OR11A1: variants seen among roughly 807,000 people sequenced by gnomAD.
OR11A1 encodes the protein olfactory receptor family 11 subfamily A member 1, also known as olfactory receptor 11A1.
For synonymous variants in OR11A1, 158 were observed against 152.2 expected, an observed-to-expected ratio of 1.04 and a Z score of -0.28; for missense variants, 380 against 378.2, an observed-to-expected ratio of 1.00 and a Z score of -0.04.
At chr6:29,454,252 T>C (rs771930885) in intron 1 of OR11A1, among the ~76,000 whole-genome samples, 28 of 152,104 alleles carry the variant, frequency 1.8e-4, no homozygotes, top group Non-Finnish European at 3.7e-4. Flanking sequence ...AATAGTTAAA[T>C]TAAAACCATT....
chr6:29,447,820 T>C (rs1784926134), intron 1 of OR11A1, among the ~76,000 whole-genome samples: 1 of 152,198 alleles, frequency 6.6e-6, no homozygotes, highest in Non-Finnish European at 1.5e-5. Context: ...TGGCTGGGCC[T>C]CCTTAGGAAC....
intron 3 of OR11A1, 92 bp downstream of exon 3, chr6:29,430,209 G>C: frequency 1.2e-6 from 1 of 827,850 alleles, no homozygotes; most frequent in Non-Finnish European, 1.5e-6. Flanking sequence ...CATATGAATT[G>C]ATCAGAGAAG....
intron 1 of OR11A1, among the ~76,000 whole-genome samples, chr6:29,454,815 C>A (rs2151409849): frequency 6.6e-6 from 1 of 152,210 alleles, no homozygotes; most frequent in Admixed American, 6.5e-5. Flanking sequence ...AAACGATATT[C>A]TTTGCAACAA....
chr6:29,434,553 A>G (rs1464860485), intron 1 of OR11A1, among the ~76,000 whole-genome samples: 1 of 152,258 alleles, frequency 6.6e-6, no homozygotes, highest in Non-Finnish European at 1.5e-5. Context: ...TCACTTGATC[A>G]TGGTGAAAGA....
At chr6:29,445,589 C>T (rs1176040501) in intron 1 of OR11A1, among the ~76,000 whole-genome samples, 1 of 152,230 alleles carries the variant, frequency 6.6e-6, no homozygotes, top group Non-Finnish European at 1.5e-5. Context: ...CTCACTGCTT[C>T]CCTGCATCAG....
At chr6:29,428,754 CT>C (rs1244449546) in intron 4 of OR11A1, among the ~76,000 whole-genome samples, 158 bp downstream of exon 4, 1 of 67,070 alleles carries the variant, frequency 1.5e-5, no homozygotes, top group Non-Finnish European at 2.5e-5. Flanking sequence ...GAAACTCCAT[CT>C]CAAAAAAAAA....
chr6:29,444,581 G>A (rs1784539117), intron 1 of OR11A1, among the ~76,000 whole-genome samples: 1 of 152,156 alleles, frequency 6.6e-6, no homozygotes, highest in South Asian at 2.1e-4. Context: ...AGGACTATAT[G>A]CTTCTTATAG....
Position 29,440,659 on chromosome 6 carries a change from G to T in OR11A1, c.-388-8672C>A, listed in dbSNP as rs763872326. 21 of 1,614,120 alleles carry T rather than the reference G, an allele frequency of 1.3e-5. No individual in the cohort carries two copies. Among genetic ancestry groups the T allele is most frequent in the Non-Finnish European group, 1.7e-5 (20 of 1,180,026 alleles). ...CTCTGCCCCTTTGGCCTCATCCTGG[G>T]CTCCTACGGGCGTATCCTCGTTACC... On this transcript the variant is annotated intron_variant, in intron 1 of 4. Transcript: ENST00000377149.
intron 1 of OR11A1, among the ~76,000 whole-genome samples, chr6:29,445,718 G>A (rs1784693112): frequency 6.6e-6 from 1 of 152,184 alleles, no homozygotes; most frequent in Non-Finnish European, 1.5e-5. Flanking sequence ...TCTTACACAG[G>A]GGCCAGGAAA....
chr6:29,441,768 G>A (rs779181719), intron 1 of OR11A1, among the ~76,000 whole-genome samples: 18 of 152,056 alleles, frequency 1.2e-4, no homozygotes, highest in African/African-American at 3.9e-4. Flanking sequence ...CCTGGTATCT[G>A]TTGTTCCTTT....
chr6:29,428,156 C>T, intron 4 of OR11A1: 2 of 776,364 alleles, frequency 2.6e-6, no homozygotes, highest in Non-Finnish European at 3.1e-6. Flanking sequence ...CTATCTCATT[C>T]TTCTCATTAT....
intron 1 of OR11A1, chr6:29,440,426 C>A (rs763072767): frequency 6.2e-7 from 1 of 1,614,070 alleles, no homozygotes; most frequent in Non-Finnish European, 8.5e-7. Context: ...TGCTGAGCCA[C>A]CGGGTGTGTC....
chr6:29,440,372 T>A (rs1311437010), intron 1 of OR11A1: 1 of 1,614,040 alleles, frequency 6.2e-7, no homozygotes, highest in Non-Finnish European at 8.5e-7. Context: ...CCATGGCCTA[T>A]GACCGCTATG....
chr6:29,426,945 C>G lies in OR11A1; in HGVS notation c.697G>C (p.Ala233Pro). 6.2e-7 allele frequency: 1 copy of G among 1,613,010 alleles called. No individual in the cohort carries two copies. Reference sequence around the variant, plus strand: ...GTGGAGAAAGCCCTTCTCCTGCTTGCCCCAGCAGGAACTCTCAGCACTGCC... The same window carrying G: ...GTGGAGAAAGCCCTTCTCCTGCTTGGCCCAGCAGGAACTCTCAGCACTGCC... The part of the protein sequence containing the change: ...VVAVLRVPAG[A>P]SRRRAFSTCS... The change falls in exon 5 of 5, where the codon GCA becomes CCA. Residue 233 changes from alanine (A) to proline (P), a missense_variant. Physicochemically the swap from Ala to Pro is conservative, Grantham distance 27. Transcript: ENST00000377149.
At chr6:29,437,056 G>T (rs1488287267) in intron 1 of OR11A1, among the ~76,000 whole-genome samples, 1 of 152,224 alleles carries the variant, frequency 6.6e-6, no homozygotes, top group African/African-American at 2.4e-5. Context: ...TGGAGAGGAT[G>T]TGGAGAAATA....
At chr6:29,439,880 G>A in intron 1 of OR11A1, 1 of 679,674 alleles carries the variant, frequency 1.5e-6, no homozygotes, top group Non-Finnish European at 2.5e-6. Flanking sequence ...CAAAGTCCAT[G>A]ATATTCTAAT....
At chr6:29,427,912 T>G (rs1782963047) in intron 4 of OR11A1, among the ~76,000 whole-genome samples, 180 bp from the exon 5 acceptor site, 1 of 152,208 alleles carries the variant, frequency 6.6e-6, no homozygotes, top group Non-Finnish European at 1.5e-5. Context: ...CTCATAATTT[T>G]AGTCTTTCAA....
intron 1 of OR11A1, chr6:29,440,312 G>T: frequency 6.2e-7 from 1 of 1,614,106 alleles, no homozygotes; most frequent in South Asian, 1.1e-5. Context: ...GTGCTCTCCA[G>T]ATGTTCTTCT....
chr6:29,440,994 A>C (rs1366770922), intron 1 of OR11A1: 1 of 1,268,162 alleles, frequency 7.9e-7, no homozygotes, highest in Non-Finnish European at 1.1e-6. Context: ...GCTCTGAGTC[A>C]GTCCCAAATA....
Sources: allele counts gnomAD v4.1 joint callset (sites outside exome capture counted in the v4.1 genomes callset), GRCh38; gene constraint gnomAD v4.1.1; transcripts MANE v1.5; gene names NCBI Gene and HGNC (gene_info 2026-07-23, HGNC 2026-07-21).